The following GNB4 variants were observed in gnomAD, a reference collection of about 807,000 sequenced individuals.
The protein encoded by GNB4 is guanine nucleotide-binding protein subunit beta-4.
GNB4 carries 28 observed loss-of-function variants against 45.2 expected under a neutral mutation model. The observed-to-expected ratio is 0.62, with a 90% CI of 0.46 to 0.85. The LOEUF (loss-of-function observed/expected upper bound fraction) is 0.85. Among genes scored for constraint, GNB4 ranks in the 40% least tolerant of loss-of-function variants. The pLI is 0.00. For missense variants in GNB4, 321 were observed against 425.4 expected, an observed-to-expected ratio of 0.75 and a Z score of 2.16; for synonymous variants, 132 against 143.7, an observed-to-expected ratio of 0.92 and a Z score of 0.58.
the GNB4 span, among the ~76,000 whole-genome samples, chr3:179,506,454 CAG>C: frequency 3.3e-5 from 5 of 151,832 alleles, no homozygotes; most frequent in African/African-American, 9.7e-5. Context: ...TTATCTGATA[CAG>C]AGAGGGAAAA....
rs1714259394 is a variant in GNB4, at chr3:179,400,450, G to A, written c.*763C>T. ...CCAGCTATTTAGGGGGGTACTCAAA[G>A]TGTCAACTGATCATAACCAGGCTTT... On this transcript the variant is annotated 3_prime_UTR_variant, in exon 10 of 10. Coordinates refer to ENST00000232564, the MANE Select transcript of GNB4 (RefSeq NM_021629.4). The A allele has an allele frequency of 6.6e-6, 1 of 152,206 alleles. No individual in the cohort carries two copies. Among genetic ancestry groups the A allele is most frequent in the South Asian group, 2.1e-4 (1 of 4,838 alleles). The allele number at this position is 152,206 out of a possible 1,614,324, so 9.4% of individuals were successfully genotyped here.
At chr3:179,527,158 GGGAAGGGGGAGGGAAAGAAAAGCA>G in the GNB4 span, among the ~76,000 whole-genome samples, 1 of 152,194 alleles carries the variant, frequency 6.6e-6, no homozygotes, top group African/African-American at 2.4e-5. Context: ...AGGGGTGGAG[GGGAAGGGGGAGGGAAAGAAAAGCA>G]GGATGCCGGG....
the GNB4 span, among the ~76,000 whole-genome samples, chr3:179,475,067 A>AAGAGAC: frequency 6.6e-6 from 1 of 152,072 alleles, no homozygotes; most frequent in South Asian, 2.1e-4. Flanking sequence ...GGGTGAGAGC[A>AAGAGAC]AGAGACAGAG....
the GNB4 span, among the ~76,000 whole-genome samples, chr3:179,473,731 T>C: frequency 6.6e-6 from 1 of 152,224 alleles, no homozygotes; most frequent in Non-Finnish European, 1.5e-5. Context: ...TTCCCGTAGT[T>C]TACCCTGAGT....
chr3:179,458,560 G>C, the GNB4 span, among the ~76,000 whole-genome samples: 2 of 152,108 alleles, frequency 1.3e-5, no homozygotes, highest in Non-Finnish European at 2.9e-5. Context: ...ATTGGTTCCA[G>C]GACCCCCGCG....
chr3:179,521,258 C>T, the GNB4 span, among the ~76,000 whole-genome samples: 1 of 152,198 alleles, frequency 6.6e-6, no homozygotes, highest in East Asian at 1.9e-4. Context: ...AGTCAAATCA[C>T]CCAGGCAATT....
intron 1 of GNB4, among the ~76,000 whole-genome samples, chr3:179,449,421 T>G (rs1006831835): frequency 1.3e-5 from 2 of 152,204 alleles, no homozygotes; most frequent in African/African-American, 4.8e-5. Flanking sequence ...CAAACATGCT[T>G]CTGGCATGTC....
At chr3:179,461,198 TC>T in the GNB4 span, among the ~76,000 whole-genome samples, 2 of 152,152 alleles carry the variant, frequency 1.3e-5, no homozygotes, top group African/African-American at 2.4e-5. Flanking sequence ...TGCCGCCCCT[TC>T]CCCAGACCCT....
At chr3:179,522,106 G>A in the GNB4 span, among the ~76,000 whole-genome samples, 5 of 152,050 alleles carry the variant, frequency 3.3e-5, no homozygotes, top group Non-Finnish European at 7.4e-5. Flanking sequence ...CCCAAGCTAA[G>A]CCATCATATC....
In GNB4 at chr3:179,433,007, T is replaced by C. The variant is rs566885570; in HGVS notation, c.-42-6765A>G. Among the ~76,000 whole-genome samples, 4 of 152,282 alleles carry C rather than the reference T, an allele frequency of 2.6e-5. No individual in the cohort carries two copies. The South Asian group carries it at 8.3e-4, about 32-fold the overall frequency. On this transcript the variant is annotated intron_variant, in intron 1 of 9. Coordinates refer to ENST00000232564, the MANE Select transcript of GNB4 (RefSeq NM_021629.4). Reference sequence around the variant, plus strand: ...CCAGGCGGACTAACTGCAGCATCAATTAATTCAGTGTTCCTTAAAGTTTAA... The same window carrying C: ...CCAGGCGGACTAACTGCAGCATCAACTAATTCAGTGTTCCTTAAAGTTTAA...
At chr3:179,454,437 G>C (rs1715948101), upstream of GNB4, among the ~76,000 whole-genome samples, 1 of 152,202 alleles carries the variant, frequency 6.6e-6, no homozygotes. Context: ...AATCATAGGA[G>C]AGGAGAAAGT....
chr3:179,466,204 T>C, the GNB4 span, among the ~76,000 whole-genome samples: 1 of 151,794 alleles, frequency 6.6e-6, no homozygotes, highest in East Asian at 1.9e-4. Context: ...AGAGATAGGG[T>C]TTCATCAAGT....
the GNB4 span, among the ~76,000 whole-genome samples, chr3:179,478,377 A>G: frequency 6.6e-6 from 1 of 152,188 alleles, no homozygotes; most frequent in Non-Finnish European, 1.5e-5. Context: ...TTCCTATTAC[A>G]AAACATTTCA....
At chr3:179,453,064 G>A (rs1310727647), upstream of GNB4, among the ~76,000 whole-genome samples, 2 of 151,974 alleles carry the variant, frequency 1.3e-5, no homozygotes, top group Non-Finnish European at 2.9e-5. Flanking sequence ...TTAATTTATC[G>A]GAGTCACGAA....
chr3:179,493,816 T>G, the GNB4 span, among the ~76,000 whole-genome samples: 1 of 152,120 alleles, frequency 6.6e-6, no homozygotes. Flanking sequence ...ATGGAGTTTC[T>G]TATGTCTTCC....
intron 6 of GNB4, among the ~76,000 whole-genome samples, chr3:179,414,261 AGT>A (rs1279329062): frequency 2.6e-5 from 4 of 152,228 alleles, no homozygotes; most frequent in African/African-American, 7.2e-5. Flanking sequence ...GAAGAACAAC[AGT>A]GAAGACTTTA....
chr3:179,475,143 A>G, the GNB4 span, among the ~76,000 whole-genome samples: 4,160 of 151,834 alleles, frequency 0.027, 99 homozygotes, highest in South Asian at 0.082. Flanking sequence ...TTTTGGAGAC[A>G]GAGTCTTGCT....
At chr3:179,465,010 C>G in the GNB4 span, 1 of 1,530,262 alleles carries the variant, frequency 6.5e-7, no homozygotes, top group Non-Finnish European at 9.0e-7. Flanking sequence ...ATGAACGTCC[C>G]GGAGGTGATG....
chr3:179,451,800 C>T (rs975640368), upstream of GNB4, among the ~76,000 whole-genome samples: 7 of 152,210 alleles, frequency 4.6e-5, no homozygotes, highest in Non-Finnish European at 1.0e-4. Context: ...AGTTTCCTTT[C>T]CGGCGCTGAC....
Sources: gnomAD v4.1 joint callset for allele counts (sites outside exome capture counted in the v4.1 genomes callset) on GRCh38, gnomAD v4.1.1 for gene constraint, MANE v1.5 for transcripts, NCBI Gene and HGNC (gene_info 2026-07-23, HGNC 2026-07-21) for gene names.